The following PDE10A variants were observed in gnomAD, a reference collection of about 807,000 sequenced individuals.
The protein encoded by PDE10A is phosphodiesterase 10A, also known as cAMP and cAMP-inhibited cGMP 3',5'-cyclic phosphodiesterase 10A.
PDE10A carries 39 observed loss-of-function variants against 97.7 expected under a neutral mutation model. That is an observed-to-expected ratio of 0.40 (90% CI 0.31 to 0.52). PDE10A has a LOEUF of 0.52. Ranked by LOEUF, PDE10A falls within the 20% of genes least tolerant of loss-of-function variation. The probability of loss-of-function intolerance (pLI) is 0.56; values close to 1 mark genes in which losing one functional copy is unlikely to be tolerated. For synonymous variants in PDE10A, 371 were observed against 376.8 expected (o/e 0.98, Z 0.18); for missense variants, 731 against 1,047.8 (o/e 0.70, Z 4.17).
At chr6:165,873,498 C>A (rs1202335347) in intron 1 of PDE10A, among the ~76,000 whole-genome samples, 3 of 151,466 alleles carry the variant, frequency 2.0e-5, no homozygotes, top group Admixed American at 2.0e-4. Flanking sequence ...GTTTGAAAGG[C>A]AACTGTTTAC....
intron 1 of PDE10A, among the ~76,000 whole-genome samples, chr6:165,824,813 A>T (rs1382608434): frequency 6.6e-6 from 1 of 151,996 alleles, no homozygotes; most frequent in Non-Finnish European, 1.5e-5. Context: ...GAATCTTTTG[A>T]ACACTGTTGC....
At chr6:165,801,588 AACGG>A (rs1778989511) in intron 1 of PDE10A, among the ~76,000 whole-genome samples, 1 of 152,242 alleles carries the variant, frequency 6.6e-6, no homozygotes, top group Non-Finnish European at 1.5e-5. Flanking sequence ...ATCTTGCCAT[AACGG>A]ACTTGCTGAA....
At chr6:165,663,433 T>C (rs1790398857), upstream of PDE10A, among the ~76,000 whole-genome samples, 1 of 152,140 alleles carries the variant, frequency 6.6e-6, no homozygotes, top group Non-Finnish European at 1.5e-5. Context: ...CACATCTGGG[T>C]CCGGTGTTTC....
intron 2 of PDE10A, among the ~76,000 whole-genome samples, chr6:165,485,230 G>T (rs575687157): frequency 6.6e-6 from 1 of 152,210 alleles, no homozygotes; most frequent in Non-Finnish European, 1.5e-5. Flanking sequence ...CTAGCACTTT[G>T]AGAGGCCGAG....
intron 1 of PDE10A, among the ~76,000 whole-genome samples, chr6:165,840,293 A>T (rs1286168507): frequency 6.6e-6 from 1 of 152,148 alleles, no homozygotes; most frequent in Non-Finnish European, 1.5e-5. Flanking sequence ...GTCCAGGCAA[A>T]CTGGAGCGGG....
chr6:165,442,881 G>A (rs774838893), intron 5 of PDE10A, among the ~76,000 whole-genome samples: 1 of 152,070 alleles, frequency 6.6e-6, no homozygotes, highest in Non-Finnish European at 1.5e-5. Flanking sequence ...GGCTAAGGCG[G>A]GTGGATCGAC....
At chr6:165,938,379 CTTG>C (rs1314066065) in intron 1 of PDE10A, among the ~76,000 whole-genome samples, 1 of 152,204 alleles carries the variant, frequency 6.6e-6, no homozygotes, top group Non-Finnish European at 1.5e-5. Flanking sequence ...ACTCATATCT[CTTG>C]TTGTTTTCAT....
At chr6:165,602,339 G>C (rs1390989096) in intron 1 of PDE10A, among the ~76,000 whole-genome samples, 1 of 152,124 alleles carries the variant, frequency 6.6e-6, no homozygotes, top group East Asian at 1.9e-4. Context: ...GCAGCTACCA[G>C]CCCGTGTGAG....
At chr6:165,847,742 G>A (rs1281443266) in intron 1 of PDE10A, among the ~76,000 whole-genome samples, 1 of 152,158 alleles carries the variant, frequency 6.6e-6, no homozygotes, top group Non-Finnish European at 1.5e-5. Flanking sequence ...TTTTGTTTTT[G>A]GCAACAGTTA....
intron 1 of PDE10A, among the ~76,000 whole-genome samples, chr6:165,656,574 G>A (rs942936343): frequency 6.6e-6 from 1 of 151,834 alleles, no homozygotes; most frequent in African/African-American, 2.4e-5. Flanking sequence ...TCGTCTGAGG[G>A]GTCATTGTAA....
At chr6:165,786,188 G>A (rs570556162) in intron 1 of PDE10A, among the ~76,000 whole-genome samples, 9 of 152,286 alleles carry the variant, frequency 5.9e-5, no homozygotes, top group African/African-American at 2.2e-4. Flanking sequence ...CATCTGATGG[G>A]ACTGACAATT....
rs1562447112 is a variant in PDE10A at position 165,418,601 on chromosome 6, G to GTAAGAGGA, written c.1796+26_1796+33dup. ...GTAACGGAACGCCTGCACATCTACC[G>GTAAGAGGA]TAAGAGGATAGGACATTCTACTTCT... is the stretch of plus-strand genomic sequence containing the variant. On this transcript the variant is annotated intron_variant, in intron 11 of 21. Transcript: ENST00000539869. This position sits in a 1 kb window ranked among gnomAD's most constrained non-coding sequence, Gnocchi z 4.8. The GTAAGAGGA allele has an allele frequency of 1.9e-6, 3 of 1,600,126 alleles. No individual in the cohort carries two copies. The South Asian group carries it at 3.3e-5, about 18-fold the overall frequency.
chr6:165,542,111 G>C (rs908664895), intron 2 of PDE10A, among the ~76,000 whole-genome samples: 3 of 151,976 alleles, frequency 2.0e-5, no homozygotes, highest in East Asian at 1.9e-4. Context: ...TAGTATCTTT[G>C]TGTTTTTAAT....
intron 2 of PDE10A, among the ~76,000 whole-genome samples, chr6:165,508,708 G>C (rs935445695): frequency 4.7e-4 from 72 of 151,638 alleles, no homozygotes; most frequent in African/African-American, 1.5e-3. Context: ...ATAGTAACTG[G>C]GTTTAATTTT....
intron 1 of PDE10A, among the ~76,000 whole-genome samples, chr6:165,888,280 G>GCTTTT (rs1239583195): frequency 6.8e-6 from 1 of 147,740 alleles, no homozygotes; most frequent in Admixed American, 6.8e-5. Flanking sequence ...ACCTATGCTT[G>GCTTTT]CTTTTCTTTT....
chr6:165,944,662 G>A (rs537662245), intron 1 of PDE10A, among the ~76,000 whole-genome samples: 15 of 152,124 alleles, frequency 9.9e-5, no homozygotes, highest in African/African-American at 3.4e-4. Flanking sequence ...AGTTTTTAAC[G>A]TAGAAACACA....
intron 5 of PDE10A, among the ~76,000 whole-genome samples, chr6:165,436,084 A>G (rs1289389421): frequency 6.6e-6 from 1 of 152,222 alleles, no homozygotes; most frequent in Non-Finnish European, 1.5e-5. Context: ...TTTCTACTAA[A>G]TAAGAATTGC....
chr6:165,662,286 G>C lies in PDE10A; in HGVS notation c.526C>G (p.Pro176Ala). ...GGQEAAPLSV[P>A]TSSSHRGGGG... ...CCGCCGCGGTGACTACTGCTGGTGG[G>C]GACGCTCAAGGGAGCTGCCTCTTGT... The change falls in exon 1 of 22, where the codon CCC becomes GCC. Residue 176 changes from proline (P) to alanine (A), a missense_variant. Around this residue, in one of 8 missense-constraint regions of PDE10A, gnomAD observed 181 missense variants for 159.1 expected, o/e 1.14. Transcript: ENST00000539869. The C allele has an allele frequency of 6.1e-6, 1 of 165,142 alleles. No individual in the cohort carries two copies. The highest frequency in any genetic ancestry group is 1.3e-5 in the Non-Finnish European group (1 of 79,464). The allele number at this position is 165,142 out of a possible 1,614,324, so 10.2% of individuals were successfully genotyped here.
At chr6:165,970,608 G>A (rs530726881) in intron 1 of PDE10A, among the ~76,000 whole-genome samples, 2 of 152,052 alleles carry the variant, frequency 1.3e-5, no homozygotes, top group East Asian at 3.9e-4. Flanking sequence ...TCAATAAAAA[G>A]GTAAACATAG....
Sources: allele counts gnomAD v4.1 joint callset (sites outside exome capture counted in the v4.1 genomes callset), GRCh38; gene constraint gnomAD v4.1.1; regional missense constraint gnomAD v4.1.1; non-coding constraint Gnocchi (gnomAD v3.1); transcripts MANE v1.5; gene names NCBI Gene and HGNC (gene_info 2026-07-23, HGNC 2026-07-21).